Variants in SYNPO observed in about 807,000 individuals in gnomAD.
SYNPO encodes synaptopodin.
SYNPO carries 19 observed loss-of-function variants against 49.5 expected under a neutral mutation model. The ratio of observed to expected loss-of-function variants is 0.38; its 90% confidence interval spans 0.27 to 0.56. The LOEUF is 0.56. SYNPO is among the 20% of genes least tolerant of loss of function. The probability of loss-of-function intolerance (pLI) is 0.68; values close to 1 mark genes in which losing one functional copy is unlikely to be tolerated. For synonymous variants in SYNPO, 536 were observed against 548.0 expected (o/e 0.98, Z 0.31); for missense variants, 1,131 against 1,248.3 (o/e 0.91, Z 1.42).
chr5:150,624,783 G>A, intron 2 of SYNPO: 1 of 921,120 alleles, frequency 1.1e-6, no homozygotes, highest in Non-Finnish European at 1.3e-6. Context: ...CGTCGGGCGC[G>A]GAGCCTGGGC....
upstream of SYNPO, among the ~76,000 whole-genome samples, chr5:150,637,856 A>G (rs1282641987): frequency 6.6e-6 from 1 of 152,024 alleles, no homozygotes; most frequent in Admixed American, 6.5e-5. Flanking sequence ...ATGGCAGGAG[A>G]GGTGGAGGCG....
At chr5:150,589,513 C>T in the SYNPO span, among the ~76,000 whole-genome samples, 2 of 152,232 alleles carry the variant, frequency 1.3e-5, no homozygotes, top group Non-Finnish European at 2.9e-5. Context: ...CCACAAACAA[C>T]CCTGCGATGA....
upstream of SYNPO, among the ~76,000 whole-genome samples, chr5:150,599,889 A>T (rs766739908): frequency 1.3e-5 from 2 of 152,212 alleles, no homozygotes; most frequent in Non-Finnish European, 2.9e-5. Context: ...ATGAGAAGGG[A>T]TTGAATTCTA....
At chr5:150,599,979 C>A (rs957567756), upstream of SYNPO, among the ~76,000 whole-genome samples, 25 of 152,132 alleles carry the variant, frequency 1.6e-4, no homozygotes, top group Non-Finnish European at 2.9e-5. Context: ...AACCGAGGGA[C>A]CCTGCCTGGA....
At chr5:150,607,152 G>T (rs1252389312) in intron 1 of SYNPO, among the ~76,000 whole-genome samples, 2 of 151,972 alleles carry the variant, frequency 1.3e-5, no homozygotes, top group Admixed American at 1.3e-4. Context: ...TCCTCCATTG[G>T]GCTCAAAATG....
chr5:150,655,998 C>T (rs1173477014), intron 2 of SYNPO, among the ~76,000 whole-genome samples: 1 of 152,244 alleles, frequency 6.6e-6, no homozygotes, highest in African/African-American at 2.4e-5. Context: ...GCACTTTCTT[C>T]CAAGGAATGT....
Position 150,648,682 on chromosome 5 carries a change from C to G in SYNPO, c.407C>G (p.Thr136Ser). Residue 136 changes from threonine to serine, a missense_variant, in exon 2 of 3, where the codon ACC becomes AGC. Thr to Ser is a moderately conservative substitution (Grantham distance 58). Around this residue, in one of 4 missense-constraint regions of SYNPO, gnomAD observed 602 missense variants for 720.7 expected, o/e 0.84. Transcript: ENST00000307662. This position sits in a 1 kb window ranked among gnomAD's most constrained non-coding sequence, Gnocchi z 5.0. ...ACAGGGCCTGCTTCCAAACCCAGCA[C>G]CCTGTGTGCTGATGGGCAACCCCAG... Reference protein sequence around the residue: ...NGTGPASKPSTLCADGQPQAP... With the variant: ...NGTGPASKPSSLCADGQPQAP... The G allele has an allele frequency of 1.2e-6, 2 of 1,614,222 alleles. No individual in the cohort carries two copies. Among genetic ancestry groups the G allele is most frequent in the South Asian group, 1.1e-5 (1 of 91,088 alleles).
At chr5:150,595,149 G>C in the SYNPO span, among the ~76,000 whole-genome samples, 1 of 152,190 alleles carries the variant, frequency 6.6e-6, no homozygotes, top group East Asian at 1.9e-4. Flanking sequence ...CAGACTCTGG[G>C]TTGGGTAGCT....
chr5:150,655,232 C>T (rs1016943545), intron 2 of SYNPO, among the ~76,000 whole-genome samples: 1 of 152,148 alleles, frequency 6.6e-6, no homozygotes, highest in African/African-American at 2.4e-5. Context: ...TATTAAAAAG[C>T]CTTATTCCCA....
At chr5:150,625,438 C>T (rs1757323954) in intron 2 of SYNPO, among the ~76,000 whole-genome samples, 1 of 152,216 alleles carries the variant, frequency 6.6e-6, no homozygotes, top group Admixed American at 6.5e-5. Context: ...TGGGGTCTGG[C>T]TGTGCCGGTG....
At position 150,649,197 on chromosome 5, in the gene SYNPO, G is replaced by C. The variant is rs1758243781; in HGVS notation, c.922G>C (p.Glu308Gln). The change falls in exon 2 of 3, where the codon GAG (glutamate) becomes CAG (glutamine). Residue 308 changes from glutamate (E) to glutamine (Q), a missense_variant. Coordinates refer to ENST00000307662, the MANE Select transcript of SYNPO (RefSeq NM_007286.6). ...GATGGGGCAGCGAAGCCCGGCCTCA[G>C]AGAGACGCCCCTTGGGGAACTTCAC... ...RMMGQRSPAS[E>Q]RRPLGNFTAP... 3.1e-6 allele frequency: 5 copies of C among 1,614,010 alleles called. No individual in the cohort carries two copies. The South Asian group carries it at 5.5e-5, about 18-fold the overall frequency.
chr5:150,611,878 C>T (rs1321530442), intron 1 of SYNPO, among the ~76,000 whole-genome samples: 1 of 152,230 alleles, frequency 6.6e-6, no homozygotes, highest in African/African-American at 2.4e-5. Flanking sequence ...TCCCACTAAC[C>T]ACTTTGCTCA....
In SYNPO at chr5:150,657,252, G is replaced by A. The variant is rs1758606880; in HGVS notation, c.*165G>A. 3 of 730,530 alleles carry A rather than the reference G, an allele frequency of 4.1e-6. No homozygotes were observed. The East Asian group carries it at 8.2e-5, about 20-fold the overall frequency. 45.3% of individuals were successfully genotyped at this position (730,530 alleles called of 1,614,324 possible). ...GTTAGGGACGCAAGCTTGAGTTCTAGCCCTTGCTCTCATTCAGCTGTTGTG... is the reference window on the plus strand; with the variant it reads ...GTTAGGGACGCAAGCTTGAGTTCTAACCCTTGCTCTCATTCAGCTGTTGTG... On this transcript the variant is annotated 3_prime_UTR_variant, in exon 3 of 3. Coordinates refer to ENST00000307662, the MANE Select transcript of SYNPO (RefSeq NM_007286.6).
rs1316847721 is a variant in SYNPO, at chr5:150,648,961, T to C, written c.686T>C (p.Leu229Pro). The C allele has an allele frequency of 6.2e-7, 1 of 1,614,236 alleles. No homozygotes were observed. The highest frequency in any genetic ancestry group is 1.7e-5 in the Admixed American group (1 of 60,026). The stretch of plus-strand genomic sequence containing the variant: ...GTCTACAGTGAGGTCCACTTCACAC[T>C]GGCCAAGCCCCCATCAGTGGTCAAC... ...TKVYSEVHFT[L>P]AKPPSVVNRT... The change falls in exon 2 of 3, where the codon CTG (leucine) becomes CCG (proline). Residue 229 changes from leucine (L) to proline (P), a missense_variant. Coordinates refer to ENST00000307662, the MANE Select transcript of SYNPO (RefSeq NM_007286.6). This position sits in a 1 kb window ranked among gnomAD's most constrained non-coding sequence, Gnocchi z 5.0.
chr5:150,630,807 C>G (rs1379441021), intron 2 of SYNPO, among the ~76,000 whole-genome samples: 2 of 152,178 alleles, frequency 1.3e-5, no homozygotes, highest in East Asian at 3.9e-4. Context: ...TTAAGCTGTG[C>G]CAGGGGTGTC....
In SYNPO at chr5:150,648,679, G is replaced by A; in HGVS notation, c.404G>A (p.Ser135Asn). ...GGCACAGGGCCTGCTTCCAAACCCA[G>A]CACCCTGTGTGCTGATGGGCAACCC... ...SNGTGPASKP[S>N]TLCADGQPQA... The change falls in exon 2 of 3, where the codon AGC becomes AAC. Residue 135 changes from serine to asparagine, a missense_variant. Coordinates refer to ENST00000307662, the MANE Select transcript of SYNPO (RefSeq NM_007286.6). This position sits in a 1 kb window ranked among gnomAD's most constrained non-coding sequence, Gnocchi z 5.0. The A allele has an allele frequency of 6.2e-7, 1 of 1,614,182 alleles. No individual in the cohort carries two copies. The highest frequency in any genetic ancestry group is 8.5e-7 in the Non-Finnish European group (1 of 1,180,050).
chr5:150,610,869 A>G lies in SYNPO; in HGVS notation c.-265-7234A>G, dbSNP rs1195756204. Among the ~76,000 whole-genome samples, 3 of 152,252 alleles carry G rather than the reference A, an allele frequency of 2.0e-5. No individual in the cohort carries two copies. The East Asian group carries it at 5.8e-4, about 29-fold the overall frequency. Reference sequence around the variant, plus strand: ...ATACTCATTTCTAAATAGTAGACATATTCAGAATGGAATAGGAAGGTTCTA... The same window carrying G: ...ATACTCATTTCTAAATAGTAGACATGTTCAGAATGGAATAGGAAGGTTCTA... On this transcript the variant is annotated intron_variant, in intron 1 of 2. Coordinates refer to the SYNPO transcript ENST00000394243.
At chr5:150,644,725 G>C (rs927361602) in intron 1 of SYNPO, among the ~76,000 whole-genome samples, 1 of 152,226 alleles carries the variant, frequency 6.6e-6, no homozygotes, top group African/African-American at 2.4e-5. Context: ...TCTAAGCAGA[G>C]CAGGGGAGAC....
upstream of SYNPO, among the ~76,000 whole-genome samples, chr5:150,596,628 G>C (rs1756429475): frequency 6.6e-6 from 1 of 152,090 alleles, no homozygotes; most frequent in South Asian, 2.1e-4. Context: ...AGGGGGCCCT[G>C]GTGAAGGTTG....
Sources: gnomAD v4.1 joint callset for allele counts (sites outside exome capture counted in the v4.1 genomes callset) on GRCh38, gnomAD v4.1.1 for gene constraint, gnomAD v4.1.1 regional missense constraint, Gnocchi (gnomAD v3.1) non-coding constraint, MANE v1.5 for transcripts, NCBI Gene and HGNC (gene_info 2026-07-23, HGNC 2026-07-21) for gene names.